Variants in RPH3A observed in about 807,000 individuals in gnomAD.
The protein encoded by RPH3A is rabphilin 3A, also known as rabphilin-3A.
Under a neutral mutation model 102.2 loss-of-function variants are expected in RPH3A, and 48 were observed. That is an observed-to-expected ratio of 0.47 (90% confidence interval 0.37 to 0.60). The LOEUF (loss-of-function observed/expected upper bound fraction) is 0.60. RPH3A is among the 20% of genes least tolerant of loss of function. The pLI is 0.00. For missense variants in RPH3A, 781 were observed against 910.1 expected, an observed-to-expected ratio of 0.86 and a Z score of 1.83; for synonymous variants, 310 against 324.3, an observed-to-expected ratio of 0.96 and a Z score of 0.47.
At chr12:112,646,176 T>C (rs1052349060) in intron 1 of RPH3A, among the ~76,000 whole-genome samples, 1 of 152,186 alleles carries the variant, frequency 6.6e-6, no homozygotes, top group Non-Finnish European at 1.5e-5. Flanking sequence ...AAGAAAAATA[T>C]CTTGATTCGA....
At chr12:112,716,410 G>C (rs1254222764) in intron 1 of RPH3A, among the ~76,000 whole-genome samples, 1 of 152,236 alleles carries the variant, frequency 6.6e-6, no homozygotes, top group African/African-American at 2.4e-5. Context: ...GTATGAGTTA[G>C]AGTCCTGGTT....
At chr12:112,668,241 C>T (rs1417125646) in intron 1 of RPH3A, among the ~76,000 whole-genome samples, 4 of 152,144 alleles carry the variant, frequency 2.6e-5, no homozygotes, top group Non-Finnish European at 2.9e-5. Context: ...GGTGGCCCCC[C>T]AAAATGTTTA....
intron 1 of RPH3A, among the ~76,000 whole-genome samples, chr12:112,680,807 T>C (rs232936): frequency 0.87 from 131,829 of 152,202 alleles, 57,306 homozygotes; most frequent in African/African-American, 0.94. Context: ...CTGGTTCAGT[T>C]AGCATCCTGC....
Position 112,883,411 on chromosome 12 carries a change from C to A in RPH3A, c.1436+9C>A, listed in dbSNP as rs764983849. 9 of 1,604,368 alleles carry A rather than the reference C, an allele frequency of 5.6e-6. No individual in the cohort carries two copies. Among genetic ancestry groups the A allele is most frequent in the Non-Finnish European group, 7.7e-6 (9 of 1,171,680 alleles). On this transcript the variant is annotated intron_variant, in intron 16 of 21. Transcript: ENST00000389385. ...CAAAGGAAGACCCTCAGGTACCTGG[C>A]AGGCAGAGGGCAGAGAGGGAGGCAA... is the stretch of plus-strand genomic sequence containing the variant.
intron 1 of RPH3A, among the ~76,000 whole-genome samples, chr12:112,602,948 T>C (rs2039569912): frequency 6.6e-6 from 1 of 152,158 alleles, no homozygotes; most frequent in South Asian, 2.1e-4. Flanking sequence ...ATGGGAGCTA[T>C]TGGAAAGATA....
At chr12:112,694,106 G>A (rs1378450403) in intron 1 of RPH3A, among the ~76,000 whole-genome samples, 2 of 152,176 alleles carry the variant, frequency 1.3e-5, no homozygotes, top group African/African-American at 2.4e-5. Flanking sequence ...CAGCGCTGCC[G>A]CTGCCTGGTT....
At chr12:112,641,669 A>G (rs1273949486) in intron 1 of RPH3A, among the ~76,000 whole-genome samples, 1 of 152,184 alleles carries the variant, frequency 6.6e-6, no homozygotes, top group African/African-American at 2.4e-5. Context: ...AAGTGCTGGG[A>G]TTACAGGCAT....
Position 112,631,523 on chromosome 12 carries a change from T to A in RPH3A, c.-140+56204T>A, listed in dbSNP as rs536422273. Among the ~76,000 whole-genome samples the A allele has an allele frequency of 1.0e-3, 151 of 150,506 alleles. 1 individual carries two copies. In the East Asian group the frequency reaches 0.023, roughly 23 times the overall value. On this transcript the variant is annotated intron_variant, in intron 1 of 21. Coordinates refer to the RPH3A transcript ENST00000543106. ...TATAAATTTATTTTCTTATTAAAAA[T>A]TTTTTTTTTGAGACAGGGTCTCTGT...
intron 1 of RPH3A, among the ~76,000 whole-genome samples, chr12:112,707,657 G>C (rs2040434676): frequency 1.3e-5 from 2 of 152,216 alleles, no homozygotes; most frequent in South Asian, 4.1e-4. Flanking sequence ...TATTCACCTT[G>C]TTTACATCAT....
At chr12:112,597,628 C>G (rs1429136717) in intron 1 of RPH3A, among the ~76,000 whole-genome samples, 1 of 152,140 alleles carries the variant, frequency 6.6e-6, no homozygotes, top group South Asian at 2.1e-4. Context: ...AGTAAATGAC[C>G]TATCCCCAAT....
At chr12:112,782,968 G>A (rs1308964824) in intron 1 of RPH3A, among the ~76,000 whole-genome samples, 1 of 152,140 alleles carries the variant, frequency 6.6e-6, no homozygotes, top group Non-Finnish European at 1.5e-5. Flanking sequence ...TTAAGATTTT[G>A]GACACACAGT....
At chr12:112,814,903 G>A (rs1045536416) in intron 2 of RPH3A, among the ~76,000 whole-genome samples, 4 of 152,326 alleles carry the variant, frequency 2.6e-5, no homozygotes, top group African/African-American at 7.2e-5. Context: ...ATGTTCTAGA[G>A]CCACACTGCT....
rs1403099134 is a variant in RPH3A, at chr12:112,890,870, A to G, written c.1642A>G (p.Ile548Val). 5.6e-6 allele frequency: 9 copies of G among 1,613,936 alleles called. No homozygotes were observed. Among genetic ancestry groups the G allele is most frequent in the East Asian group, 2.2e-5 (1 of 44,870 alleles). Residue 548 changes from isoleucine (I) to valine (V), a missense_variant, in exon 19 of 22, where the codon ATC (isoleucine) becomes GTC (valine). Ile to Val is a conservative substitution (Grantham distance 29). Around this residue, in one of 2 missense-constraint regions of RPH3A, gnomAD observed 730 missense variants for 810.0 expected, o/e 0.90. Coordinates refer to ENST00000389385, the MANE Select transcript of RPH3A (RefSeq NM_001143854.2). ...GCAGCAGGTGGAGCGTGTTGGTGAC[A>G]TCGAGGAGCGTGGCAAGATCCTGGT... The part of the protein sequence containing the change: ...EEEQVERVGD[I>V]EERGKILVSL...
intron 16 of RPH3A, among the ~76,000 whole-genome samples, chr12:112,885,225 C>T (rs1234785932): frequency 2.6e-5 from 4 of 152,204 alleles, no homozygotes; most frequent in African/African-American, 9.7e-5. Flanking sequence ...TGCATATATA[C>T]CTAGAAGTGT....
At chr12:112,665,295 G>C (rs1381755060) in intron 1 of RPH3A, among the ~76,000 whole-genome samples, 1 of 152,132 alleles carries the variant, frequency 6.6e-6, no homozygotes, top group Non-Finnish European at 1.5e-5. Context: ...TGACTTTGTA[G>C]GACCTGTAAA....
In RPH3A at chr12:112,747,768, G is replaced by A. The variant is rs569399673; in HGVS notation, c.-139-44375G>A. ...TGTAACAAGACCTCAACAATGATCC[G>A]AAGGCATCAGGAATATAGAAGTTTA... On this transcript the variant is annotated intron_variant, in intron 1 of 21. Transcript: ENST00000543106. Among the ~76,000 whole-genome samples the A allele has an allele frequency of 2.6e-5, 4 of 152,280 alleles. No individual in the cohort carries two copies. The East Asian group carries it at 5.8e-4, about 22-fold the overall frequency.
At chr12:112,683,664 GT>G (rs2040242122) in intron 1 of RPH3A, among the ~76,000 whole-genome samples, 1 of 152,204 alleles carries the variant, frequency 6.6e-6, no homozygotes, top group Non-Finnish European at 1.5e-5. Flanking sequence ...TTTCAGAATT[GT>G]CTCACTGCTG....
intron 1 of RPH3A, among the ~76,000 whole-genome samples, chr12:112,715,079 A>G (rs1288711837): frequency 6.6e-6 from 1 of 152,184 alleles, no homozygotes; most frequent in Non-Finnish European, 1.5e-5. Context: ...TTTAATGAAT[A>G]TTTATATTAA....
chr12:112,783,331 C>T (rs963399683), intron 1 of RPH3A, among the ~76,000 whole-genome samples: 2 of 152,150 alleles, frequency 1.3e-5, no homozygotes, highest in Admixed American at 1.3e-4. Flanking sequence ...TACCCCACTT[C>T]CCTGGTCTCC....
Sources: allele counts gnomAD v4.1 joint callset (sites outside exome capture counted in the v4.1 genomes callset), GRCh38; gene constraint gnomAD v4.1.1; regional missense constraint gnomAD v4.1.1; transcripts MANE v1.5; gene names NCBI Gene and HGNC (gene_info 2026-07-23, HGNC 2026-07-21).